The following TOX2 variants were observed in gnomAD, a reference collection of about 807,000 sequenced individuals.
The protein encoded by TOX2 is TOX high mobility group box family member 2.
TOX2 carries 15 observed loss-of-function variants against 47.4 expected under a neutral mutation model. The ratio of observed to expected loss-of-function variants is 0.32; its 90% CI spans 0.21 to 0.49. The LOEUF is 0.49. Among genes scored for constraint, TOX2 ranks in the 20% least tolerant of loss-of-function variants. The pLI is 0.99. For synonymous variants in TOX2, 290 were observed against 296.6 expected (o/e 0.98, Z 0.23); for missense variants, 622 against 673.1 (o/e 0.92, Z 0.84).
chr20:43,998,142 G>A (rs185378513), intron 2 of TOX2, among the ~76,000 whole-genome samples: 1 of 152,292 alleles, frequency 6.6e-6, no homozygotes, highest in African/African-American at 2.4e-5. Context: ...ACAGGGAGAT[G>A]GGGAAAGGGC....
intron 1 of TOX2, among the ~76,000 whole-genome samples, chr20:43,961,648 G>T (rs6031263): frequency 6.6e-6 from 1 of 152,076 alleles, no homozygotes; most frequent in African/African-American, 2.4e-5. Flanking sequence ...GAGCCCACAG[G>T]CTCTGATGAA....
intron 3 of TOX2, among the ~76,000 whole-genome samples, chr20:44,037,792 T>C (rs2071265107): frequency 6.6e-6 from 1 of 152,104 alleles, no homozygotes; most frequent in Non-Finnish European, 1.5e-5. Context: ...TTTATAGCAG[T>C]ATGAGAATGA....
At chr20:43,983,562 C>G (rs548806718) in intron 2 of TOX2, among the ~76,000 whole-genome samples, 5 of 152,286 alleles carry the variant, frequency 3.3e-5, no homozygotes, top group East Asian at 1.9e-4. Flanking sequence ...TGTCAGATGC[C>G]CAGAATGGGA....
chr20:43,915,039 T>C lies in TOX2; in HGVS notation c.99+49T>C. ...CCCGGCGGGCGGGGCCGGAGTCACC[T>C]GGCAGCTCGGGACTCAGGCGCTCCC... is the stretch of plus-strand genomic sequence containing the variant. On this transcript the variant is annotated intron_variant, in intron 1 of 8. Coordinates refer to ENST00000341197, the MANE Select transcript of TOX2 (RefSeq NM_001098797.2). This position sits in a 1 kb window ranked among gnomAD's most constrained non-coding sequence, Gnocchi z 7.1. 1 of 1,140,388 alleles carries C rather than the reference T, an allele frequency of 8.8e-7. No homozygotes were observed. The highest frequency in any genetic ancestry group is 1.1e-6 in the Non-Finnish European group (1 of 912,368). The allele number at this position is 1,140,388 out of a possible 1,614,324, so 70.6% of individuals were successfully genotyped here. A position where few individuals can be genotyped will look rare whatever the true frequency, so the allele number is the denominator to read the frequency against.
At chr20:43,982,335 G>A (rs1027953325) in intron 2 of TOX2, among the ~76,000 whole-genome samples, 1 of 152,160 alleles carries the variant, frequency 6.6e-6, no homozygotes, top group South Asian at 2.1e-4. Context: ...GCAGACAGGT[G>A]GGTTAATCCA....
intron 5 of TOX2, among the ~76,000 whole-genome samples, chr20:44,064,024 A>G (rs965085234): frequency 1.3e-5 from 2 of 152,230 alleles, no homozygotes; most frequent in Non-Finnish European, 2.9e-5. Context: ...GTAGTGAAGG[A>G]TAAAAGACTA....
At chr20:44,059,619 TTTTTAGCCTCC>T (rs1219131906) in intron 5 of TOX2, among the ~76,000 whole-genome samples, 1 of 152,034 alleles carries the variant, frequency 6.6e-6, no homozygotes, top group East Asian at 1.9e-4. Flanking sequence ...TGGGGTCCTA[TTTTTAGCCTCC>T]TTAAACGATT....
chr20:43,961,267 G>C (rs1318816462), intron 1 of TOX2, among the ~76,000 whole-genome samples: 1 of 152,192 alleles, frequency 6.6e-6, no homozygotes, highest in Admixed American at 6.5e-5. Flanking sequence ...TGCTGCAGAG[G>C]TCTGGATGAG....
intron 4 of TOX2, among the ~76,000 whole-genome samples, chr20:44,052,088 C>T (rs569312499): frequency 6.6e-6 from 1 of 152,310 alleles, no homozygotes; most frequent in Admixed American, 6.5e-5. Context: ...AGAAAATATT[C>T]TGACAAAACT....
In TOX2 at chr20:43,916,235, G is replaced by T. The variant is rs886911452; in HGVS notation, c.99+1245G>T. On this transcript the variant is annotated intron_variant, in intron 1 of 8. Coordinates refer to ENST00000341197, the MANE Select transcript of TOX2 (RefSeq NM_001098797.2). This position sits in a 1 kb window ranked among gnomAD's most constrained non-coding sequence, Gnocchi z 5.0. ...TGAGTGCGCGTCCAGTGGCTGGATC[G>T]GCGCCCCCCAGGGTCTCTCCCCAAC... 2 of 985,304 alleles carry T rather than the reference G, an allele frequency of 2.0e-6. No individual in the cohort carries two copies. Among genetic ancestry groups the T allele is most frequent in the Admixed American group, 1.2e-4 (2 of 16,274 alleles). The allele number at this position is 985,304 out of a possible 1,614,324, so 61.0% of individuals were successfully genotyped here. A position where few individuals can be genotyped will look rare whatever the true frequency, so the allele number is the denominator to read the frequency against.
chr20:43,963,768 A>G (rs1012499259), intron 1 of TOX2, among the ~76,000 whole-genome samples: 2 of 152,236 alleles, frequency 1.3e-5, no homozygotes, highest in Admixed American at 6.5e-5. Flanking sequence ...CGGCCCTGGC[A>G]GTTGGACTTT....
At chr20:44,064,656 C>A in intron 5 of TOX2, 121 bp from the exon 6 acceptor site, 1 of 922,062 alleles carries the variant, frequency 1.1e-6, no homozygotes, top group Non-Finnish European at 1.7e-6. Flanking sequence ...GACTCAGCTT[C>A]TGACCCCACC....
chr20:44,030,609 C>T (rs901251722), intron 3 of TOX2, among the ~76,000 whole-genome samples: 7 of 152,342 alleles, frequency 4.6e-5, no homozygotes, highest in Admixed American at 3.3e-4. Context: ...GCTGATCTTA[C>T]AGCCTCACTT....
At chr20:44,012,707 A>G (rs2070798637) in intron 3 of TOX2, among the ~76,000 whole-genome samples, 1 of 152,230 alleles carries the variant, frequency 6.6e-6, no homozygotes, top group African/African-American at 2.4e-5. Context: ...ACAAATAGGA[A>G]AATGGGTAGA....
At chr20:44,016,466 T>G (rs796576726) in intron 3 of TOX2, among the ~76,000 whole-genome samples, 18 of 152,180 alleles carry the variant, frequency 1.2e-4, no homozygotes, top group African/African-American at 4.3e-4. Flanking sequence ...CCTGTGTTCT[T>G]TAGCGCAGGG....
intron 2 of TOX2, among the ~76,000 whole-genome samples, chr20:44,002,309 C>T (rs914722753): frequency 6.6e-6 from 1 of 152,178 alleles, no homozygotes; most frequent in African/African-American, 2.4e-5. Flanking sequence ...TTGCTTGTGT[C>T]CCTGTCCCCC....
intron 3 of TOX2, among the ~76,000 whole-genome samples, chr20:44,039,570 AGTTT>A (rs2071299505): frequency 6.6e-6 from 1 of 152,162 alleles, no homozygotes; most frequent in Admixed American, 6.5e-5. Context: ...GGGTGCAAGT[AGTTT>A]GTCTCAGGGG....
At chr20:44,052,382 C>T (rs754648755) in intron 4 of TOX2, among the ~76,000 whole-genome samples, 1 of 152,194 alleles carries the variant, frequency 6.6e-6, no homozygotes, top group Non-Finnish European at 1.5e-5. Context: ...AGTGTTTGCC[C>T]AGGGCCTCCC....
At chr20:44,056,264 C>T (rs1251680089) in intron 5 of TOX2, among the ~76,000 whole-genome samples, 3 of 152,162 alleles carry the variant, frequency 2.0e-5, no homozygotes, top group African/African-American at 4.8e-5. Context: ...GGAATATAGC[C>T]GGTGGCAGCT....
Sources: gnomAD v4.1 joint callset for allele counts (sites outside exome capture counted in the v4.1 genomes callset) on GRCh38, gnomAD v4.1.1 for gene constraint, Gnocchi (gnomAD v3.1) non-coding constraint, MANE v1.5 for transcripts, NCBI Gene and HGNC (gene_info 2026-07-23, HGNC 2026-07-21) for gene names.